SIPA1L1: variants seen among roughly 807,000 people sequenced by gnomAD.
SIPA1L1 encodes the protein signal-induced proliferation-associated 1-like protein 1.
In SIPA1L1, 26 loss-of-function variants were observed where a neutral mutation model predicts 162.7. The observed-to-expected ratio is 0.16, with a 90% CI of 0.12 to 0.22. The LOEUF (loss-of-function observed/expected upper bound fraction) is 0.22. SIPA1L1 is among the 10% of genes least tolerant of loss of function. The pLI is 1.00. For synonymous variants in SIPA1L1, 829 were observed against 837.4 expected (o/e 0.99, Z 0.17); for missense variants, 1,874 against 2,241.0 (o/e 0.84, Z 3.31).
intron 2 of SIPA1L1, among the ~76,000 whole-genome samples, chr14:71,484,275 C>CT (rs779789523): frequency 1.5e-3 from 174 of 119,054 alleles, no homozygotes; most frequent in Admixed American, 3.4e-3. Flanking sequence ...AGTTGGACAG[C>CT]TTTTTTTTTT....
chr14:71,702,408 C>A lies in SIPA1L1; in HGVS notation c.3549C>A (p.Ala1183=). ...TTGGAGTGAGCCGTAGATCCCCAGC[C>A]TCCATTGACAGGCAGAACACCCAGT... ...EGFGVSRRSP[A]SIDRQNTQSD... is the part of the protein sequence containing the mutation. The change falls in exon 15 of 24, where the codon GCC becomes GCA. Residue 1183 remains alanine, a synonymous_variant. Coordinates refer to ENST00000381232, the MANE Select transcript of SIPA1L1 (RefSeq NM_001386936.1). The A allele has an allele frequency of 6.2e-7, 1 of 1,614,154 alleles. No homozygotes were observed. The highest frequency in any genetic ancestry group is 8.5e-7 in the Non-Finnish European group (1 of 1,179,982).
At chr14:71,630,646 C>T (rs2148719930) in intron 7 of SIPA1L1, among the ~76,000 whole-genome samples, 1 of 152,250 alleles carries the variant, frequency 6.6e-6, no homozygotes, top group Non-Finnish European at 1.5e-5. Context: ...GCAATAGTTT[C>T]AAATGGTCCC....
intron 7 of SIPA1L1, among the ~76,000 whole-genome samples, chr14:71,636,423 A>G (rs549350083): frequency 5.3e-4 from 80 of 152,364 alleles, no homozygotes; most frequent in African/African-American, 1.8e-3. Context: ...GGAAACTAAA[A>G]AAACAGATTT....
intron 2 of SIPA1L1, among the ~76,000 whole-genome samples, chr14:71,392,216 A>C (rs1327115418): frequency 6.6e-6 from 1 of 152,180 alleles, no homozygotes; most frequent in Admixed American, 6.5e-5. Context: ...GGAGTTCCCC[A>C]TAATCTGTAG....
At chr14:71,361,075 CTG>C (rs956790557) in intron 2 of SIPA1L1, among the ~76,000 whole-genome samples, 1 of 152,134 alleles carries the variant, frequency 6.6e-6, no homozygotes, top group Admixed American at 6.5e-5. Flanking sequence ...GCAAACCTCA[CTG>C]TACCCTTCCC....
chr14:71,633,145 ATGTTATGTTATGTTC>A lies in SIPA1L1; in HGVS notation c.1818+8914_1818+8928del, dbSNP rs758541427. Reference sequence around the variant, plus strand: ...ATGTTATGTTATGTTATGTTATGTTATGTTATGTTATGTTCTGTTCTGTTCTGTTCTTTGGAGATG... The same window carrying A: ...ATGTTATGTTATGTTATGTTATGTTATGTTCTGTTCTGTTCTTTGGAGATG... On this transcript the variant is annotated intron_variant, in intron 7 of 23. Coordinates refer to ENST00000381232, the MANE Select transcript of SIPA1L1 (RefSeq NM_001386936.1). Among the ~76,000 whole-genome samples the A allele has an allele frequency of 9.1e-3, 1,317 of 144,366 alleles. 20 individuals carry two copies. Among genetic ancestry groups the A allele is most frequent in the African/African-American group, 0.033 (1,250 of 37,854 alleles). The allele number at this position is 144,366 out of a possible 152,430, so 94.7% of individuals were successfully genotyped here. A position where few individuals can be genotyped will look rare whatever the true frequency, so the allele number is the denominator to read the frequency against.
chr14:71,532,665 C>T (rs149659289), intron 4 of SIPA1L1, among the ~76,000 whole-genome samples: 210 of 152,270 alleles, frequency 1.4e-3, no homozygotes, highest in Non-Finnish European at 2.5e-3. Context: ...TTTTGTACTC[C>T]TCTGTAATTG....
intron 3 of SIPA1L1, chr14:71,528,766 T>C (rs1356160683): frequency 2.6e-5 from 4 of 152,226 alleles, no homozygotes; most frequent in Admixed American, 1.3e-4. Flanking sequence ...TGGTTTGTTA[T>C]GGTCAGCTCT....
intron 2 of SIPA1L1, among the ~76,000 whole-genome samples, chr14:71,338,971 C>G (rs1353083486): frequency 1.3e-5 from 2 of 152,046 alleles, no homozygotes; most frequent in African/African-American, 2.4e-5. Flanking sequence ...AACTCCCAAC[C>G]TCAAGTGATC....
intron 4 of SIPA1L1, among the ~76,000 whole-genome samples, chr14:71,581,327 G>A (rs1367414571): frequency 6.6e-6 from 1 of 152,176 alleles, no homozygotes; most frequent in Non-Finnish European, 1.5e-5. Flanking sequence ...CACTGTGGCT[G>A]CAGATTTCTT....
chr14:71,621,574 A>C (rs1415274321), intron 6 of SIPA1L1, among the ~76,000 whole-genome samples: 1 of 151,884 alleles, frequency 6.6e-6, no homozygotes, highest in Non-Finnish European at 1.5e-5. Context: ...TAAAATTTCT[A>C]TTCCCCTCCC....
chr14:71,489,687 A>C (rs577189809), intron 2 of SIPA1L1, among the ~76,000 whole-genome samples: 1 of 151,820 alleles, frequency 6.6e-6, no homozygotes, highest in Middle Eastern at 3.4e-3. Context: ...AACACTAATG[A>C]TAGCTGATTA....
intron 10 of SIPA1L1, among the ~76,000 whole-genome samples, chr14:71,663,065 C>T (rs1450138483): frequency 1.3e-5 from 2 of 152,050 alleles, no homozygotes; most frequent in Non-Finnish European, 2.9e-5. Context: ...GAATCAGTAC[C>T]GTCCAATGGG....
intron 2 of SIPA1L1, among the ~76,000 whole-genome samples, chr14:71,470,559 G>T (rs2047372774): frequency 6.6e-6 from 1 of 152,150 alleles, no homozygotes; most frequent in Non-Finnish European, 1.5e-5. Flanking sequence ...ATAACAAAGG[G>T]AGTGGGGACT....
chr14:71,497,102 G>C (rs934777149), intron 2 of SIPA1L1, among the ~76,000 whole-genome samples: 10 of 152,158 alleles, frequency 6.6e-5, no homozygotes, highest in Non-Finnish European at 2.9e-5. Context: ...CCAGGAGGCA[G>C]AGGTTGCAGT....
chr14:71,614,799 A>G (rs2038639181), intron 5 of SIPA1L1, among the ~76,000 whole-genome samples: 2 of 152,376 alleles, frequency 1.3e-5, no homozygotes, highest in African/African-American at 4.8e-5. Flanking sequence ...TGATAATGAC[A>G]CACCAAAAGT....
intron 2 of SIPA1L1, among the ~76,000 whole-genome samples, chr14:71,457,385 C>T (rs945699798): frequency 2.0e-5 from 3 of 151,896 alleles, no homozygotes; most frequent in East Asian, 3.9e-4. Context: ...CTGCAACCTC[C>T]GCCTCCCGGT....
chr14:71,361,008 A>G (rs1452947482), intron 2 of SIPA1L1, among the ~76,000 whole-genome samples: 4 of 152,108 alleles, frequency 2.6e-5, no homozygotes, highest in African/African-American at 9.7e-5. Context: ...TTGTATATAT[A>G]GTTTATATAT....
chr14:71,579,243 T>C (rs2033570645), intron 4 of SIPA1L1, among the ~76,000 whole-genome samples: 1 of 152,238 alleles, frequency 6.6e-6, no homozygotes. Flanking sequence ...AATAGACTAA[T>C]ATCTTACATG....
Sources: allele counts gnomAD v4.1 joint callset (sites outside exome capture counted in the v4.1 genomes callset), GRCh38; gene constraint gnomAD v4.1.1; transcripts MANE v1.5; gene names NCBI Gene and HGNC (gene_info 2026-07-23, HGNC 2026-07-21).